PTPRD: variants seen among roughly 807,000 people sequenced by gnomAD.
PTPRD encodes protein tyrosine phosphatase receptor type D.
In PTPRD, 34 loss-of-function variants were observed where a neutral mutation model predicts 214.5. That is an observed-to-expected ratio of 0.16 (90% confidence interval 0.12 to 0.21). PTPRD has a LOEUF of 0.21. Ranked by LOEUF, PTPRD falls within the 10% of genes least tolerant of loss-of-function variation. PTPRD has a pLI of 1.00. For synonymous variants in PTPRD, 1,128 were observed against 845.7 expected (o/e 1.33, Z -5.79); for missense variants, 2,545 against 2,398.7 (o/e 1.06, Z -1.27).
In PTPRD at chr9:9,267,094, A is replaced by G. The variant is rs1421284171; in HGVS notation, c.-202-83731T>C. Among the ~76,000 whole-genome samples, 4 of 151,266 alleles carry G rather than the reference A, an allele frequency of 2.6e-5. No homozygotes were observed. In the South Asian group the frequency reaches 6.2e-4, roughly 24 times the overall value. On this transcript the variant is annotated intron_variant, in intron 9 of 45. Coordinates refer to ENST00000381196, the MANE Select transcript of PTPRD (RefSeq NM_002839.4). ...TAAATGAATAAATGTTTTAAATGCT[A>G]ATTACCCTGATGGATCACCACGCAT... is the stretch of plus-strand genomic sequence containing the variant.
At chr9:10,173,912 A>G (rs1564319373) in intron 3 of PTPRD, among the ~76,000 whole-genome samples, 3 of 152,094 alleles carry the variant, frequency 2.0e-5, no homozygotes, top group African/African-American at 7.2e-5. Context: ...ACTTAGTGCT[A>G]TAATAATGTT....
chr9:10,255,570 T>C (rs1353519053), intron 3 of PTPRD, among the ~76,000 whole-genome samples: 1 of 152,192 alleles, frequency 6.6e-6, no homozygotes, highest in African/African-American at 2.4e-5. Context: ...ATTACACTAC[T>C]ATAGATTTTA....
At chr9:8,786,962 T>G (rs1050922780) in intron 11 of PTPRD, among the ~76,000 whole-genome samples, 1 of 151,570 alleles carries the variant, frequency 6.6e-6, no homozygotes, top group Non-Finnish European at 1.5e-5. Context: ...TGCAGTGTAG[T>G]GGCAGCTGGG....
intron 3 of PTPRD, among the ~76,000 whole-genome samples, chr9:10,288,629 A>G (rs2095435563): frequency 2.0e-5 from 3 of 152,202 alleles, no homozygotes. Flanking sequence ...TGCTTAAGAC[A>G]TGCAGTTCTT....
At chr9:8,929,681 TTATATATGTGTATA>T (rs1450452359) in intron 11 of PTPRD, among the ~76,000 whole-genome samples, 14,378 of 119,708 alleles carry the variant, frequency 0.12, 1,914 homozygotes, top group Non-Finnish European at 0.17. Context: ...AGGTTTTCTT[TTATATATGTGTATA>T]TATATATGTG....
chr9:10,111,400 A>G (rs371660548), intron 3 of PTPRD, among the ~76,000 whole-genome samples: 4,812 of 144,624 alleles, frequency 0.033, 104 homozygotes, highest in Admixed American at 0.061. Flanking sequence ...CACTACGCCC[A>G]GCTAATTTTT....
intron 8 of PTPRD, among the ~76,000 whole-genome samples, chr9:9,412,511 T>C (rs755183177): frequency 1.1e-4 from 16 of 152,074 alleles, no homozygotes; most frequent in Non-Finnish European, 2.9e-5. Context: ...TCTTCTTTAG[T>C]AATCTCCCTT....
At chr9:10,045,751 T>C (rs2097377155) in intron 3 of PTPRD, among the ~76,000 whole-genome samples, 1 of 151,740 alleles carries the variant, frequency 6.6e-6, no homozygotes, top group Non-Finnish European at 1.5e-5. Flanking sequence ...TCAGATAACA[T>C]ATCTCATAAC....
chr9:8,968,104 A>C (rs2099210993), intron 11 of PTPRD, among the ~76,000 whole-genome samples: 1 of 152,024 alleles, frequency 6.6e-6, no homozygotes, highest in South Asian at 2.1e-4. Flanking sequence ...TTATGGCTGC[A>C]TAGTATTCCA....
intron 3 of PTPRD, among the ~76,000 whole-genome samples, chr9:10,303,363 G>A (rs1377766825): frequency 6.6e-6 from 1 of 151,966 alleles, no homozygotes; most frequent in African/African-American, 2.4e-5. Context: ...AGTGAAGCAA[G>A]AGCAAACAAA....
intron 12 of PTPRD, among the ~76,000 whole-genome samples, 153 bp downstream of exon 12, chr9:8,733,627 T>C (rs2098685399): frequency 1.3e-5 from 2 of 152,262 alleles, no homozygotes; most frequent in Admixed American, 6.5e-5. Flanking sequence ...AATAATCTCT[T>C]TCAAAGGCTG....
chr9:9,616,587 T>C (rs764202012), intron 7 of PTPRD, among the ~76,000 whole-genome samples: 3 of 152,194 alleles, frequency 2.0e-5, no homozygotes, highest in Non-Finnish European at 4.4e-5. Context: ...ACTTCTGATC[T>C]TATTCGTGAG....
At chr9:10,077,603 G>C (rs1345401105) in intron 3 of PTPRD, among the ~76,000 whole-genome samples, 1 of 152,120 alleles carries the variant, frequency 6.6e-6, no homozygotes, top group Admixed American at 6.6e-5. Context: ...CAGGTAATAA[G>C]CATAGTATCC....
chr9:8,549,352 T>A (rs1384509725), intron 14 of PTPRD, among the ~76,000 whole-genome samples: 1 of 152,042 alleles, frequency 6.6e-6, no homozygotes. Flanking sequence ...GTCACTAATA[T>A]AAAAGACACA....
chr9:9,548,397 C>CTTTTTTTTTTTTTTTTTTTTTTTTTTTTT (rs1184128772), intron 8 of PTPRD, among the ~76,000 whole-genome samples: 1 of 134,602 alleles, frequency 7.4e-6, no homozygotes. Context: ...GTATATGTGA[C>CTTTTTTTTTTTTTTTTTTTTTTTTTTTTT]TTTTTTTCTT....
At chr9:9,958,965 G>T (rs1398624047) in intron 4 of PTPRD, among the ~76,000 whole-genome samples, 1 of 152,060 alleles carries the variant, frequency 6.6e-6, no homozygotes, top group Non-Finnish European at 1.5e-5. Context: ...ACTACACATA[G>T]TCTTACCATA....
At chr9:8,955,016 T>A (rs1161224044) in intron 11 of PTPRD, among the ~76,000 whole-genome samples, 3 of 151,834 alleles carry the variant, frequency 2.0e-5, no homozygotes, top group African/African-American at 4.8e-5. Context: ...TTTAAAATGA[T>A]ATTGAAAAAT....
At chr9:8,355,103 C>T (rs62533977) in intron 39 of PTPRD, among the ~76,000 whole-genome samples, 7 of 151,592 alleles carry the variant, frequency 4.6e-5, no homozygotes, top group Admixed American at 1.3e-4. Context: ...GGAGGTGGAT[C>T]GTTCATGAAG....
At chr9:8,520,954 T>C (rs1225708124) in intron 20 of PTPRD, among the ~76,000 whole-genome samples, 1 of 152,138 alleles carries the variant, frequency 6.6e-6, no homozygotes, top group Non-Finnish European at 1.5e-5. Context: ...GTCTAGTATG[T>C]AGACTGTACA....
Sources: gnomAD v4.1 joint callset for allele counts (sites outside exome capture counted in the v4.1 genomes callset) on GRCh38, gnomAD v4.1.1 for gene constraint, MANE v1.5 for transcripts, NCBI Gene and HGNC (gene_info 2026-07-23, HGNC 2026-07-21) for gene names.